The following CASK variants were observed in gnomAD, a reference collection of about 807,000 sequenced individuals.
CASK encodes the protein peripheral plasma membrane protein CASK.
In CASK, 4 loss-of-function variants were observed where a neutral mutation model predicts 82.9. That is an observed-to-expected ratio of 0.05 (90% confidence interval 0.02 to 0.11). The LOEUF is 0.11. Among genes scored for constraint, CASK ranks in the 10% least tolerant of loss-of-function variants. The pLI is 1.00. For missense variants in CASK, 358 were observed against 720.9 expected, an observed-to-expected ratio of 0.50 and a Z score of 5.76; for synonymous variants, 259 against 253.5, an observed-to-expected ratio of 1.02 and a Z score of -0.20.
At chrX:41,775,779 G>T (rs951931431) in intron 3 of CASK, among the ~76,000 whole-genome samples, 1 of 99,913 alleles carries the variant, frequency 1.0e-5, no homozygotes, top group Non-Finnish European at 2.1e-5. Context: ...GTAAACTATC[G>T]CAAGGATAAA....
At chrX:41,691,260 G>C (rs764823038) in intron 5 of CASK, among the ~76,000 whole-genome samples, 1 of 111,843 alleles carries the variant, frequency 8.9e-6, no homozygotes, top group East Asian at 2.8e-4. Context: ...GATATGCTCT[G>C]TGGGTAGTGG....
At chrX:41,704,602 A>G (rs1188913824) in intron 5 of CASK, among the ~76,000 whole-genome samples, 1 of 112,214 alleles carries the variant, frequency 8.9e-6, no homozygotes, top group Non-Finnish European at 1.9e-5. Flanking sequence ...GGTATTGCCC[A>G]TCCAACACAG....
chrX:41,614,668 C>T (rs1280449673), intron 11 of CASK, among the ~76,000 whole-genome samples: 1 of 110,935 alleles, frequency 9.0e-6, no homozygotes, highest in Admixed American at 9.5e-5. Context: ...ATTACAGGTG[C>T]GTGCCAACAC....
chrX:41,873,352 T>C (rs909534813), intron 1 of CASK, among the ~76,000 whole-genome samples: 6 of 106,154 alleles, frequency 5.7e-5, no homozygotes, highest in African/African-American at 2.1e-4. Flanking sequence ...GAAAGACACA[T>C]TTATACTGCT....
intron 2 of CASK, among the ~76,000 whole-genome samples, chrX:41,813,882 A>T (rs1425275729): frequency 8.9e-6 from 1 of 112,044 alleles, no homozygotes; most frequent in African/African-American, 3.2e-5. Context: ...CAAATAACTC[A>T]AACAAATTTA....
At chrX:41,896,238 T>C (rs2072268427) in intron 1 of CASK, among the ~76,000 whole-genome samples, 1 of 111,814 alleles carries the variant, frequency 8.9e-6, no homozygotes, top group South Asian at 3.7e-4. Context: ...TCCCCATAAA[T>C]AGCCAGGTTT....
At chrX:41,540,519 C>G (rs2064933658) in intron 22 of CASK, among the ~76,000 whole-genome samples, 1 of 112,501 alleles carries the variant, frequency 8.9e-6, no homozygotes, top group African/African-American at 3.2e-5. Context: ...TAGAAAAGAT[C>G]TCCTTGATTG....
At chrX:41,748,225 A>C (rs745390809) in intron 3 of CASK, 1 of 119,766 alleles carries the variant, frequency 8.3e-6, no homozygotes, top group Non-Finnish European at 1.7e-5. Context: ...GGTGTGCATG[A>C]ATGTCCTGGC....
At chrX:41,755,796 G>T (rs1283979860) in intron 3 of CASK, among the ~76,000 whole-genome samples, 1 of 112,152 alleles carries the variant, frequency 8.9e-6, no homozygotes, top group Non-Finnish European at 1.9e-5. Context: ...TTTTAAAAGA[G>T]TGTTTCTTTA....
intron 3 of CASK, among the ~76,000 whole-genome samples, chrX:41,773,979 C>G (rs1435170310): frequency 9.0e-6 from 1 of 111,478 alleles, no homozygotes; most frequent in Non-Finnish European, 1.9e-5. Flanking sequence ...ATTTTTCTTT[C>G]TTCAATAATA....
chrX:41,669,252 T>C (rs2067162093), intron 6 of CASK, among the ~76,000 whole-genome samples: 1 of 110,986 alleles, frequency 9.0e-6, no homozygotes, highest in African/African-American at 3.3e-5. Flanking sequence ...ATACCAGCGG[T>C]GGGCGGTGGG....
In CASK at chrX:41,727,994, T is replaced by C. The variant is rs144887525; in HGVS notation, c.429+11390A>G. On this transcript the variant is annotated intron_variant, in intron 5 of 26. Coordinates refer to ENST00000378163, the MANE Select transcript of CASK (RefSeq NM_001367721.1). The stretch of plus-strand genomic sequence containing the variant: ...ACATTCAAGAAGACACTATATAATC[T>C]CTTTACAAAGTCTAATTCAGCACAT... The C allele has an allele frequency of 2.1e-4, 244 of 1,146,164 alleles. No individual in the cohort carries two copies. The highest frequency in any genetic ancestry group is 2.8e-4 in the Non-Finnish European group (234 of 848,924). 94.5% of individuals were successfully genotyped at this position (1,146,164 alleles called of 1,213,427 possible).
At chrX:41,802,247 T>C (rs1315623209) in intron 2 of CASK, among the ~76,000 whole-genome samples, 4 of 111,109 alleles carry the variant, frequency 3.6e-5, no homozygotes, top group Admixed American at 9.6e-5. Flanking sequence ...TATAATAGTT[T>C]AAAAGAAAAA....
chrX:41,708,694 C>T (rs950865338), intron 5 of CASK, among the ~76,000 whole-genome samples: 7 of 112,117 alleles, frequency 6.2e-5, no homozygotes, highest in African/African-American at 2.3e-4. Flanking sequence ...CTTTATGTTT[C>T]TAGCTGGAAA....
intron 21 of CASK, among the ~76,000 whole-genome samples, chrX:41,543,470 G>A (rs746153494): frequency 5.4e-5 from 6 of 111,766 alleles, no homozygotes; most frequent in Non-Finnish European, 9.4e-5. Context: ...TTAACAAATG[G>A]CACTACTGCT....
At chrX:41,844,991 T>C (rs1021547134) in intron 2 of CASK, among the ~76,000 whole-genome samples, 7 of 112,013 alleles carry the variant, frequency 6.2e-5, no homozygotes, top group Non-Finnish European at 1.3e-4. Context: ...ATTTCCCAAA[T>C]TTGCTTCCGT....
At chrX:41,619,224 C>G (rs1325522701) in intron 11 of CASK, among the ~76,000 whole-genome samples, 1 of 111,386 alleles carries the variant, frequency 9.0e-6, no homozygotes, top group African/African-American at 3.3e-5. Flanking sequence ...ACTATAATGC[C>G]CTGCCTTCAG....
chrX:41,679,002 C>T (rs1464191745), intron 5 of CASK, among the ~76,000 whole-genome samples: 1 of 109,755 alleles, frequency 9.1e-6, no homozygotes, highest in Non-Finnish European at 1.9e-5. Flanking sequence ...GTAGGAGGAT[C>T]ACTGGAGCCT....
chrX:41,848,725 C>T (rs2071206044), intron 2 of CASK, among the ~76,000 whole-genome samples: 1 of 111,898 alleles, frequency 8.9e-6, no homozygotes, highest in African/African-American at 3.3e-5. Context: ...GGAATGCGGC[C>T]TTAGAGGAGC....
Sources: allele counts gnomAD v4.1 joint callset (sites outside exome capture counted in the v4.1 genomes callset), GRCh38; gene constraint gnomAD v4.1.1; transcripts MANE v1.5; gene names NCBI Gene and HGNC (gene_info 2026-07-23, HGNC 2026-07-21).